JMJD1C: variants seen among roughly 807,000 people sequenced by gnomAD.
The protein encoded by JMJD1C is jumonji domain containing 1C, also known as jumonji domain-containing protein 1C.
JMJD1C carries 31 observed loss-of-function variants against 245.3 expected under a neutral mutation model. The ratio of observed to expected loss-of-function variants is 0.13; its 90% CI spans 0.09 to 0.17. The LOEUF (loss-of-function observed/expected upper bound fraction) is 0.17. Among genes scored for constraint, JMJD1C ranks in the 10% least tolerant of loss-of-function variants. JMJD1C has a pLI of 1.00. For synonymous variants in JMJD1C, 1,057 were observed against 1,017.4 expected, an observed-to-expected ratio of 1.04 and a Z score of -0.74; for missense variants, 2,691 against 3,000.2, an observed-to-expected ratio of 0.90 and a Z score of 2.41.
intron 2 of JMJD1C, among the ~76,000 whole-genome samples, chr10:63,348,526 T>C (rs1004819274): frequency 2.6e-5 from 4 of 152,268 alleles, no homozygotes; most frequent in African/African-American, 4.8e-5. Flanking sequence ...AGTAAATCCA[T>C]ATGCAGGTCG....
At chr10:63,355,778 T>C (rs188136453) in intron 2 of JMJD1C, among the ~76,000 whole-genome samples, 3 of 152,134 alleles carry the variant, frequency 2.0e-5, no homozygotes, top group African/African-American at 7.2e-5. Context: ...TCATGTGCAT[T>C]TATCTTAGAT....
intron 2 of JMJD1C, among the ~76,000 whole-genome samples, chr10:63,298,101 C>G (rs1298510488): frequency 6.6e-6 from 1 of 152,210 alleles, no homozygotes; most frequent in Admixed American, 6.5e-5. Flanking sequence ...CTGCCTGCCC[C>G]ACTATAGCAG....
intron 1 of JMJD1C, among the ~76,000 whole-genome samples, chr10:63,433,944 G>A (rs892846030): frequency 6.6e-6 from 1 of 150,852 alleles, no homozygotes; most frequent in Non-Finnish European, 1.5e-5. Context: ...AATTTAGAGA[G>A]GGTATGCTGT....
chr10:63,207,967 C>A lies in JMJD1C; in HGVS notation c.3702G>T (p.Pro1234=). The A allele has an allele frequency of 1.2e-6, 2 of 1,614,130 alleles. No individual in the cohort carries two copies. The highest frequency in any genetic ancestry group is 1.7e-6 in the Non-Finnish European group (2 of 1,180,006). Residue 1234 remains proline (P), a synonymous_variant, in exon 10 of 26, where the codon CCG becomes CCT. Coordinates refer to ENST00000399262, the MANE Select transcript of JMJD1C (RefSeq NM_032776.3). ...TACCACCAGCATTTACTGGCATCACCGGAGTTAAAGTTGGAGGGGAAAGAC... is the reference window on the plus strand; with the variant it reads ...TACCACCAGCATTTACTGGCATCACAGGAGTTAAAGTTGGAGGGGAAAGAC... ...YSSLSPPTLT[P]VMPVNAGGKV...
intron 2 of JMJD1C, among the ~76,000 whole-genome samples, chr10:63,298,281 C>T (rs1203189276): frequency 6.6e-6 from 1 of 152,180 alleles, no homozygotes; most frequent in Non-Finnish European, 1.5e-5. Flanking sequence ...TGGGAATAAG[C>T]AAAACTCAAG....
chr10:63,262,582 T>G (rs2133760177), intron 3 of JMJD1C, among the ~76,000 whole-genome samples: 1 of 152,324 alleles, frequency 6.6e-6, no homozygotes, highest in Admixed American at 6.5e-5. Context: ...CTCATGTTAA[T>G]TCCTACTGAT....
intron 2 of JMJD1C, among the ~76,000 whole-genome samples, chr10:63,362,136 G>A (rs1945418486): frequency 6.6e-6 from 1 of 151,760 alleles, no homozygotes; most frequent in Admixed American, 6.6e-5. Context: ...TAGGGGTGCT[G>A]AGGCAGGAGG....
chr10:63,490,580 TTATTTTTG>T (rs1954140918), intron 1 of JMJD1C, among the ~76,000 whole-genome samples: 2 of 152,196 alleles, frequency 1.3e-5, no homozygotes, highest in South Asian at 4.1e-4. Context: ...CATGCCCAGC[TTATTTTTG>T]TATTTTTAAT....
At chr10:63,297,481 C>T (rs1354119587) in intron 2 of JMJD1C, among the ~76,000 whole-genome samples, 8 of 152,210 alleles carry the variant, frequency 5.3e-5, no homozygotes, top group Admixed American at 5.2e-4. Flanking sequence ...TCCACATAAC[C>T]TCATTCTTCC....
chr10:63,465,683 C>T lies in JMJD1C; in HGVS notation c.-21G>A, dbSNP rs377408643. Reference sequence around the variant, plus strand: ...GCCATAGCTGTCGCTGCCGAAGCGGCCGCTGCCTCCTCCAGTGCGAGGGAA... The same window carrying T: ...GCCATAGCTGTCGCTGCCGAAGCGGTCGCTGCCTCCTCCAGTGCGAGGGAA... On this transcript the variant is annotated 5_prime_UTR_variant, in exon 1 of 26. Coordinates refer to ENST00000399262, the MANE Select transcript of JMJD1C (RefSeq NM_032776.3). The T allele has an allele frequency of 1.2e-4, 192 of 1,605,834 alleles. No homozygotes were observed. Among genetic ancestry groups the T allele is most frequent in the Middle Eastern group, 1.6e-4 (1 of 6,082 alleles).
chr10:63,449,529 A>G (rs1352267179), intron 1 of JMJD1C, among the ~76,000 whole-genome samples: 1 of 152,200 alleles, frequency 6.6e-6, no homozygotes, highest in Non-Finnish European at 1.5e-5. Flanking sequence ...GGGAAAAGAA[A>G]GATCACATTA....
chr10:63,298,878 GC>G (rs1859749800), intron 2 of JMJD1C, among the ~76,000 whole-genome samples: 1 of 151,978 alleles, frequency 6.6e-6, no homozygotes, highest in South Asian at 2.1e-4. Context: ...GAATACAGGT[GC>G]CCACCACCAC....
intron 2 of JMJD1C, among the ~76,000 whole-genome samples, chr10:63,354,274 A>G (rs1486404332): frequency 6.6e-6 from 1 of 152,208 alleles, no homozygotes; most frequent in Non-Finnish European, 1.5e-5. Flanking sequence ...CTCTCTTATC[A>G]CTAAGAGAAG....
intron 3 of JMJD1C, chr10:63,222,418 C>T: frequency 1.1e-6 from 1 of 919,764 alleles, no homozygotes; most frequent in Non-Finnish European, 1.8e-6. Flanking sequence ...AAAAGAATAA[C>T]CCTGATCTTT....
intron 3 of JMJD1C, among the ~76,000 whole-genome samples, chr10:63,258,296 T>C (rs186187463): frequency 5.9e-5 from 9 of 152,334 alleles, no homozygotes; most frequent in African/African-American, 9.6e-5. Context: ...CTTGAACTGA[T>C]GTCAAAATTC....
At chr10:63,425,266 T>G (rs1950373397) in intron 1 of JMJD1C, among the ~76,000 whole-genome samples, 1 of 152,132 alleles carries the variant, frequency 6.6e-6, no homozygotes, top group African/African-American at 2.4e-5. Context: ...ATAAAAAATT[T>G]TAAAACTGAA....
At chr10:63,284,398 A>G (rs1361136437) in intron 2 of JMJD1C, among the ~76,000 whole-genome samples, 1 of 152,110 alleles carries the variant, frequency 6.6e-6, no homozygotes, top group Non-Finnish European at 1.5e-5. Flanking sequence ...TATGTTTATT[A>G]CTGTCATTCA....
At chr10:63,474,975 GGTGGGTA>G (rs1210635898) in intron 1 of JMJD1C, among the ~76,000 whole-genome samples, 4 of 152,146 alleles carry the variant, frequency 2.6e-5, no homozygotes, top group African/African-American at 9.7e-5. Flanking sequence ...TACCCATGGG[GGTGGGTA>G]GTATTGACTG....
intron 1 of JMJD1C, among the ~76,000 whole-genome samples, chr10:63,396,144 C>T (rs1948470682): frequency 6.6e-6 from 1 of 151,966 alleles, no homozygotes; most frequent in African/African-American, 2.4e-5. Context: ...ATCAGCATGA[C>T]TTAAAAAAAA....
Sources: gnomAD v4.1 joint callset for allele counts (sites outside exome capture counted in the v4.1 genomes callset) on GRCh38, gnomAD v4.1.1 for gene constraint, MANE v1.5 for transcripts, NCBI Gene and HGNC (gene_info 2026-07-23, HGNC 2026-07-21) for gene names.